The following GALNTL6 variants were observed in gnomAD, a reference collection of about 807,000 sequenced individuals.
GALNTL6 encodes the protein polypeptide N-acetylgalactosaminyltransferase like 6, also known as polypeptide N-acetylgalactosaminyltransferase-like 6.
In GALNTL6, 46 loss-of-function variants were observed where a neutral mutation model predicts 73.7. The ratio of observed to expected loss-of-function variants is 0.62; its 90% confidence interval spans 0.49 to 0.80. The LOEUF is 0.80. Among genes scored for constraint, GALNTL6 ranks in the 30% least tolerant of loss-of-function variants. The pLI is 0.00. For synonymous variants in GALNTL6, 259 were observed against 263.7 expected, an observed-to-expected ratio of 0.98 and a Z score of 0.17; for missense variants, 604 against 755.0, an observed-to-expected ratio of 0.80 and a Z score of 2.34.
intron 2 of GALNTL6, among the ~76,000 whole-genome samples, chr4:172,203,731 T>C (rs989295753): frequency 3.3e-5 from 5 of 152,176 alleles, no homozygotes; most frequent in Non-Finnish European, 7.4e-5. Flanking sequence ...GTTTGGCATC[T>C]TGACAGATTT....
intron 2 of GALNTL6, among the ~76,000 whole-genome samples, chr4:172,109,871 G>A (rs1732801296): frequency 6.6e-6 from 1 of 151,944 alleles, no homozygotes; most frequent in African/African-American, 2.4e-5. Context: ...AATCTTGGTG[G>A]GATCTCAAGA....
intron 2 of GALNTL6, among the ~76,000 whole-genome samples, chr4:172,089,361 A>C (rs1732133855): frequency 6.6e-6 from 1 of 152,190 alleles, no homozygotes; most frequent in Admixed American, 6.5e-5. Flanking sequence ...GACAGCGGCA[A>C]TCTGACAGAT....
intron 11 of GALNTL6, 38 bp downstream of exon 11, chr4:173,009,332 G>C (rs764779456): frequency 5.2e-6 from 6 of 1,164,262 alleles, no homozygotes; most frequent in Non-Finnish European, 7.8e-6. Flanking sequence ...GTGGGAACCA[G>C]TCGGGGGCTG....
chr4:172,798,415 G>C (rs559429175), intron 5 of GALNTL6, among the ~76,000 whole-genome samples: 1 of 152,144 alleles, frequency 6.6e-6, no homozygotes, highest in Admixed American at 6.5e-5. Context: ...TTGTTTCAAA[G>C]TGTGTAGCAC....
intron 2 of GALNTL6, among the ~76,000 whole-genome samples, chr4:172,112,771 G>C (rs1732888343): frequency 6.6e-6 from 1 of 151,796 alleles, no homozygotes; most frequent in Admixed American, 6.6e-5. Context: ...TCTGAGGCTG[G>C]AGCCTTTATT....
At chr4:172,186,092 A>G (rs1216251708) in intron 2 of GALNTL6, among the ~76,000 whole-genome samples, 2 of 152,176 alleles carry the variant, frequency 1.3e-5, no homozygotes, top group Non-Finnish European at 2.9e-5. Flanking sequence ...TGTGTGATAC[A>G]AAGGCAAGAG....
At chr4:172,480,614 G>A (rs75619798) in intron 5 of GALNTL6, among the ~76,000 whole-genome samples, 3,319 of 152,218 alleles carry the variant, frequency 0.022, 114 homozygotes, top group African/African-American at 0.074. Flanking sequence ...AGCAGCTGCC[G>A]TACAATAAAT....
chr4:172,454,679 G>C (rs535496613), intron 5 of GALNTL6, among the ~76,000 whole-genome samples: 1 of 152,258 alleles, frequency 6.6e-6, no homozygotes, highest in East Asian at 1.9e-4. Context: ...CTCAACTCCT[G>C]GTATCAACAA....
chr4:172,468,085 T>C (rs2096679376), intron 5 of GALNTL6, among the ~76,000 whole-genome samples: 1 of 151,928 alleles, frequency 6.6e-6, no homozygotes, highest in Admixed American at 6.6e-5. Flanking sequence ...AGAGATAAAG[T>C]CTTGAGATGT....
At chr4:172,459,803 A>C (rs1732544365) in intron 5 of GALNTL6, among the ~76,000 whole-genome samples, 1 of 152,182 alleles carries the variant, frequency 6.6e-6, no homozygotes, top group Non-Finnish European at 1.5e-5. Context: ...TAATTTATAG[A>C]TTCAGTGTTA....
intron 2 of GALNTL6, among the ~76,000 whole-genome samples, chr4:171,955,889 T>C (rs540993503): frequency 9.2e-5 from 14 of 152,306 alleles, no homozygotes; most frequent in African/African-American, 3.1e-4. Context: ...CTTTTCCTTA[T>C]GCAATTAGTT....
rs149703750 is a variant in GALNTL6, at chr4:172,372,992, C to G, written c.553+24303C>G. Among the ~76,000 whole-genome samples, 48 of 152,324 alleles carry G rather than the reference C, an allele frequency of 3.2e-4. No homozygotes were observed. The South Asian group carries it at 1.0e-2, about 32-fold the overall frequency. On this transcript the variant is annotated intron_variant, in intron 5 of 12. Transcript: ENST00000506823. Reference sequence around the variant, plus strand: ...CAAAGCTGGGCTTTCGACCTACACACCTTGTACCCTTGATCGGCTAGAAAG... The same window carrying G: ...CAAAGCTGGGCTTTCGACCTACACAGCTTGTACCCTTGATCGGCTAGAAAG...
intron 10 of GALNTL6, among the ~76,000 whole-genome samples, chr4:172,966,825 G>A (rs1484191428): frequency 2.6e-5 from 4 of 152,346 alleles, no homozygotes; most frequent in Admixed American, 6.5e-5. Context: ...GTAGTGAGCC[G>A]CTGTGTTAGC....
At chr4:172,920,545 A>G (rs1747739827) in intron 8 of GALNTL6, among the ~76,000 whole-genome samples, 1 of 152,208 alleles carries the variant, frequency 6.6e-6, no homozygotes, top group Admixed American at 6.5e-5. Flanking sequence ...AAGTTATACC[A>G]TACAATTAGG....
intron 5 of GALNTL6, among the ~76,000 whole-genome samples, chr4:172,372,164 C>T (rs1008896053): frequency 5.9e-5 from 9 of 152,108 alleles, no homozygotes; most frequent in South Asian, 4.1e-4. Context: ...GAGCTTCCAT[C>T]GGTATATAGG....
intron 5 of GALNTL6, among the ~76,000 whole-genome samples, chr4:172,673,109 T>C (rs1034809574): frequency 6.6e-6 from 1 of 152,190 alleles, no homozygotes; most frequent in African/African-American, 2.4e-5. Flanking sequence ...TGTGAAGTTA[T>C]GTTGTTAACT....
chr4:171,855,046 C>T (rs1735649539), intron 2 of GALNTL6, among the ~76,000 whole-genome samples: 1 of 152,044 alleles, frequency 6.6e-6, no homozygotes, highest in Admixed American at 6.6e-5. Flanking sequence ...TACATGCACC[C>T]CCTTTCCCTT....
intron 2 of GALNTL6, among the ~76,000 whole-genome samples, chr4:171,994,933 A>G (rs1375141729): frequency 6.6e-6 from 1 of 152,020 alleles, no homozygotes; most frequent in Non-Finnish European, 1.5e-5. Context: ...TATCAACTAA[A>G]CATTTAAAAA....
At chr4:172,082,508 G>C (rs1020280755) in intron 2 of GALNTL6, among the ~76,000 whole-genome samples, 1 of 152,142 alleles carries the variant, frequency 6.6e-6, no homozygotes, top group African/African-American at 2.4e-5. Flanking sequence ...TAGAAAAGGG[G>C]CTAAGATTTG....
Sources: gnomAD v4.1 joint callset for allele counts (sites outside exome capture counted in the v4.1 genomes callset) on GRCh38, gnomAD v4.1.1 for gene constraint, MANE v1.5 for transcripts, NCBI Gene and HGNC (gene_info 2026-07-23, HGNC 2026-07-21) for gene names.